Variants in RBPMS observed in about 807,000 individuals in gnomAD.
The protein encoded by RBPMS is RNA-binding protein with multiple splicing.
RBPMS carries 7 observed loss-of-function variants against 26.8 expected under a neutral mutation model. The observed-to-expected ratio is 0.26, with a 90% confidence interval of 0.15 to 0.49. The LOEUF is 0.49. Ranked by LOEUF, RBPMS falls within the 20% of genes least tolerant of loss-of-function variation. The probability of loss-of-function intolerance (pLI) is 0.98; values close to 1 mark genes in which losing one functional copy is unlikely to be tolerated. For missense variants in RBPMS, 186 were observed against 250.0 expected (o/e 0.74, Z 1.73); for synonymous variants, 96 against 93.3 (o/e 1.03, Z -0.17).
chr8:30,531,009 T>C (rs1270918452), intron 5 of RBPMS, among the ~76,000 whole-genome samples: 1 of 152,120 alleles, frequency 6.6e-6, no homozygotes, highest in Non-Finnish European at 1.5e-5. Context: ...TTCACTTGTT[T>C]ATGCAACTTT....
intron 1 of RBPMS, among the ~76,000 whole-genome samples, chr8:30,472,580 A>G (rs1250210802): frequency 6.6e-6 from 1 of 152,242 alleles, no homozygotes; most frequent in Non-Finnish European, 1.5e-5. Flanking sequence ...TATATCAATC[A>G]TAACCTCAAT....
intron 3 of RBPMS, among the ~76,000 whole-genome samples, chr8:30,478,319 T>C (rs768860859): frequency 1.3e-5 from 2 of 152,058 alleles, no homozygotes; most frequent in African/African-American, 4.8e-5. Context: ...GCTTAGAGAT[T>C]GTAGCTATAT....
chr8:30,565,841 T>TGGGGG (rs2151095353), intron 7 of RBPMS: 1 of 152,608 alleles, frequency 6.6e-6, no homozygotes, highest in South Asian at 2.1e-4. Context: ...CCCATGCCTT[T>TGGGGG]CCTCTGCAGG....
chr8:30,419,451 TGTG>T (rs1245832953), intron 1 of RBPMS, among the ~76,000 whole-genome samples: 16 of 8,052 alleles, frequency 2.0e-3, no homozygotes, highest in Middle Eastern at 0.067. Flanking sequence ...ATCTCAAAAA[TGTG>T]TGTGTGTGTG....
At chr8:30,509,080 T>TA (rs1394512595) in intron 5 of RBPMS, among the ~76,000 whole-genome samples, 1 of 152,168 alleles carries the variant, frequency 6.6e-6, no homozygotes, top group Non-Finnish European at 1.5e-5. Context: ...CTCTGTATTT[T>TA]AAAAAAATAA....
At chr8:30,564,513 C>CT (rs1377469776) in intron 7 of RBPMS, 1 of 152,272 alleles carries the variant, frequency 6.6e-6, no homozygotes, top group Non-Finnish European at 1.5e-5. Flanking sequence ...GGGTGCCCCT[C>CT]TAGCCACCAC....
At chr8:30,485,905 A>G (rs1818719005) in intron 4 of RBPMS, among the ~76,000 whole-genome samples, 1 of 152,338 alleles carries the variant, frequency 6.6e-6, no homozygotes, top group African/African-American at 2.4e-5. Context: ...CCTCCCTACG[A>G]TTATAATAGC....
intron 1 of RBPMS, among the ~76,000 whole-genome samples, chr8:30,433,983 A>G (rs1812189655): frequency 6.6e-6 from 1 of 152,204 alleles, no homozygotes; most frequent in Non-Finnish European, 1.5e-5. Context: ...GGATAAACCT[A>G]CATTTCATTT....
chr8:30,446,508 ATG>A (rs1194495942), intron 1 of RBPMS, among the ~76,000 whole-genome samples: 2 of 152,214 alleles, frequency 1.3e-5, no homozygotes, highest in Admixed American at 6.5e-5. Flanking sequence ...TAGTGCGTGT[ATG>A]TGTGTGCATG....
chr8:30,424,833 A>G (rs1375191757), intron 1 of RBPMS, among the ~76,000 whole-genome samples: 1 of 152,198 alleles, frequency 6.6e-6, no homozygotes, highest in African/African-American at 2.4e-5. Flanking sequence ...CCTTTGAAGC[A>G]TGGCTGTTGT....
chr8:30,494,052 G>C (rs1050786294), intron 4 of RBPMS, among the ~76,000 whole-genome samples: 5 of 152,170 alleles, frequency 3.3e-5, no homozygotes, highest in African/African-American at 1.2e-4. Context: ...ATATCTGCCT[G>C]GTTCCTCCTA....
chr8:30,509,739 C>A (rs1378036790), intron 5 of RBPMS, among the ~76,000 whole-genome samples: 2 of 152,160 alleles, frequency 1.3e-5, no homozygotes, highest in African/African-American at 2.4e-5. Flanking sequence ...AGGAGGAATA[C>A]CTAATCAATC....
intron 4 of RBPMS, among the ~76,000 whole-genome samples, chr8:30,480,758 A>C (rs1818188832): frequency 6.6e-6 from 1 of 152,222 alleles, no homozygotes; most frequent in African/African-American, 2.4e-5. Context: ...AATACGTAAA[A>C]ACCAGAATTT....
rs1426571356 is a variant in RBPMS, at chr8:30,544,486, T to C, written c.398-8T>C. The C allele has an allele frequency of 1.2e-6, 2 of 1,612,886 alleles. No homozygotes were observed. The highest frequency in any genetic ancestry group is 1.7e-6 in the Non-Finnish European group (2 of 1,178,890). Reference sequence around the variant, plus strand: ...ACCACTAACTCTCGCCTTATTCTTTTCTTGCAGATGAGCTCACAGTGCCTG... The same window carrying C: ...ACCACTAACTCTCGCCTTATTCTTTCCTTGCAGATGAGCTCACAGTGCCTG... On this transcript the variant is annotated splice_region_variant and splice_polypyrimidine_tract_variant and intron_variant, in intron 5 of 8. Transcript: ENST00000397323.
At chr8:30,530,686 T>A (rs1177486823) in intron 5 of RBPMS, among the ~76,000 whole-genome samples, 1 of 152,142 alleles carries the variant, frequency 6.6e-6, no homozygotes, top group African/African-American at 2.4e-5. Context: ...GGTCTCGAAC[T>A]CCCGACCTCA....
chr8:30,426,393 C>G (rs1341210831), intron 1 of RBPMS, among the ~76,000 whole-genome samples: 2 of 152,128 alleles, frequency 1.3e-5, no homozygotes, highest in African/African-American at 4.8e-5. Flanking sequence ...ATCCAGCTTC[C>G]TGCATTTTCC....
chr8:30,516,016 G>C (rs1822268662), intron 5 of RBPMS, among the ~76,000 whole-genome samples: 1 of 152,194 alleles, frequency 6.6e-6, no homozygotes, highest in African/African-American at 2.4e-5. Flanking sequence ...TTTTAGGCTT[G>C]ATCGTTTTTA....
intron 1 of RBPMS, among the ~76,000 whole-genome samples, chr8:30,458,512 C>T (rs1815500336): frequency 6.6e-6 from 1 of 151,994 alleles, no homozygotes; most frequent in Non-Finnish European, 1.5e-5. Context: ...GGCAGTCTGG[C>T]TCTACAGTTT....
intron 4 of RBPMS, among the ~76,000 whole-genome samples, chr8:30,482,514 A>G (rs776553334): frequency 2.0e-5 from 3 of 152,140 alleles, no homozygotes; most frequent in African/African-American, 4.8e-5. Flanking sequence ...TTTAAAATCT[A>G]TTTTCTCATT....
Sources: gnomAD v4.1 joint callset for allele counts (sites outside exome capture counted in the v4.1 genomes callset) on GRCh38, gnomAD v4.1.1 for gene constraint, MANE v1.5 for transcripts, NCBI Gene and HGNC (gene_info 2026-07-23, HGNC 2026-07-21) for gene names.